The following EPHA6 variants were observed in gnomAD, a reference collection of about 807,000 sequenced individuals.
EPHA6 encodes the protein ephrin type-A receptor 6.
A neutral mutation model predicts 112.0 loss-of-function variants in EPHA6; 50 were observed. The observed-to-expected ratio is 0.45, with a 90% CI of 0.36 to 0.56. The LOEUF (loss-of-function observed/expected upper bound fraction) is 0.56, where lower values mean the gene tolerates loss of function less well. EPHA6 is among the 20% of genes least tolerant of loss of function. The probability of loss-of-function intolerance (pLI) is 0.00; values close to 1 mark genes in which losing one functional copy is unlikely to be tolerated. For missense variants in EPHA6, 1,280 were observed against 1,417.4 expected (o/e 0.90, Z 1.56); for synonymous variants, 529 against 490.7 (o/e 1.08, Z -1.03).
chr3:97,346,036 C>G (rs1394684622), intron 5 of EPHA6, among the ~76,000 whole-genome samples: 1 of 152,078 alleles, frequency 6.6e-6, no homozygotes, highest in Non-Finnish European at 1.5e-5. Context: ...CACCTCCTCT[C>G]ATAAAAATCT....
At position 97,589,880 on chromosome 3, in the gene EPHA6, C is replaced by A. The variant is rs2093527258; in HGVS notation, c.2387-2732C>A. Among the ~76,000 whole-genome samples the A allele has an allele frequency of 2.6e-5, 4 of 152,226 alleles. No individual in the cohort carries two copies. In the South Asian group the frequency reaches 8.3e-4, roughly 32 times the overall value. On this transcript the variant is annotated intron_variant, in intron 11 of 17. Transcript: ENST00000389672. ...ATTTTAGATTTCATTTACTTTTTAG[C>A]TACAATATCATTGAATAATAAATTC...
chr3:97,168,282 T>C lies in EPHA6; in HGVS notation c.1115-57982T>C, dbSNP rs76389327. Among the ~76,000 whole-genome samples the C allele has an allele frequency of 5.8e-4, 88 of 152,292 alleles. 1 individual carries two copies. In the East Asian group the frequency reaches 0.017, roughly 29 times the overall value. On this transcript the variant is annotated intron_variant, in intron 3 of 17. Coordinates refer to ENST00000389672, the MANE Select transcript of EPHA6 (RefSeq NM_001080448.3). ...TCTAACTCTACAGTTATTTATTCTA[T>C]AACACTTTGATATGGTTTGGCTCTG...
intron 3 of EPHA6, among the ~76,000 whole-genome samples, chr3:97,146,442 T>C (rs1031533913): frequency 1.3e-5 from 2 of 151,828 alleles, no homozygotes; most frequent in African/African-American, 4.8e-5. Flanking sequence ...ATCTCTCTCC[T>C]TAACTCTTGT....
At chr3:96,875,527 G>A (rs2036894145) in intron 2 of EPHA6, among the ~76,000 whole-genome samples, 1 of 152,068 alleles carries the variant, frequency 6.6e-6, no homozygotes, top group Non-Finnish European at 1.5e-5. Flanking sequence ...TGGTGAGGAA[G>A]AAAAGTAACA....
intron 11 of EPHA6, among the ~76,000 whole-genome samples, chr3:97,569,502 C>T (rs1361364068): frequency 1.3e-5 from 2 of 152,046 alleles, no homozygotes; most frequent in East Asian, 3.9e-4. Flanking sequence ...ATTTAGGTGA[C>T]TTTGGGAAAT....
intron 3 of EPHA6, among the ~76,000 whole-genome samples, chr3:97,151,314 A>G (rs1184085070): frequency 6.6e-6 from 1 of 152,138 alleles, no homozygotes; most frequent in Non-Finnish European, 1.5e-5. Flanking sequence ...ATACTCACAT[A>G]TATTGTAATC....
At chr3:97,735,853 T>TTTCTTTAC (rs2035230104) in intron 15 of EPHA6, 72 bp from the exon 16 acceptor site, 10 of 1,216,276 alleles carry the variant, frequency 8.2e-6, no homozygotes, top group Non-Finnish European at 7.7e-6. Context: ...CTTCTGCTTG[T>TTTCTTTAC]AAAAAAAGAA....
chr3:97,364,942 A>G (rs1363321996), intron 5 of EPHA6, among the ~76,000 whole-genome samples: 1 of 152,184 alleles, frequency 6.6e-6, no homozygotes, highest in East Asian at 1.9e-4. Flanking sequence ...AGGTTGATTT[A>G]GGCTTTAAAC....
At chr3:96,948,197 A>T (rs1266052199) in intron 2 of EPHA6, among the ~76,000 whole-genome samples, 1 of 152,160 alleles carries the variant, frequency 6.6e-6, no homozygotes, top group Non-Finnish European at 1.5e-5. Flanking sequence ...CTTAAAATGG[A>T]TATAGTCATC....
intron 11 of EPHA6, among the ~76,000 whole-genome samples, chr3:97,535,751 T>C (rs980433328): frequency 6.6e-6 from 1 of 152,126 alleles, no homozygotes; most frequent in Non-Finnish European, 1.5e-5. Context: ...TATCCTGGGA[T>C]TCTGAGAAAT....
intron 3 of EPHA6, among the ~76,000 whole-genome samples, chr3:97,199,268 A>C (rs1158538007): frequency 1.3e-5 from 2 of 152,078 alleles, no homozygotes; most frequent in African/African-American, 2.4e-5. Flanking sequence ...TGGGGAAGGA[A>C]ATGAGGTTAG....
At chr3:97,618,534 A>G (rs1458572424) in intron 13 of EPHA6, among the ~76,000 whole-genome samples, 2 of 152,116 alleles carry the variant, frequency 1.3e-5, no homozygotes, top group Non-Finnish European at 2.9e-5. Flanking sequence ...TAGACTAATA[A>G]AGAAGAAAAG....
At chr3:96,956,298 A>C (rs1158319420) in intron 2 of EPHA6, among the ~76,000 whole-genome samples, 1 of 152,214 alleles carries the variant, frequency 6.6e-6, no homozygotes, top group Non-Finnish European at 1.5e-5. Flanking sequence ...TACATAGGTC[A>C]TATTAACTAA....
rs1210732151 is a variant in EPHA6 at position 97,084,159 on chromosome 3, C to A, written c.1114+96166C>A. 2.8e-5 allele frequency among the ~76,000 whole-genome samples: 4 copies of A among 143,412 alleles called. No individual in the cohort carries two copies. The South Asian group carries it at 6.9e-4, about 25-fold the overall frequency. The allele number at this position is 143,412 out of a possible 152,430, so 94.1% of individuals were successfully genotyped here. A position where few individuals can be genotyped will look rare whatever the true frequency, so the allele number is the denominator to read the frequency against. On this transcript the variant is annotated intron_variant, in intron 3 of 17. Coordinates refer to ENST00000389672, the MANE Select transcript of EPHA6 (RefSeq NM_001080448.3). ...CCATGCACACACACACACACACACA[C>A]AATATCCCCATGGAAGCACTTTTAT...
intron 5 of EPHA6, among the ~76,000 whole-genome samples, chr3:97,349,946 A>G (rs1243955757): frequency 1.3e-5 from 2 of 151,688 alleles, no homozygotes; most frequent in East Asian, 3.9e-4. Flanking sequence ...GTCTAAACTA[A>G]TCATGCTAAT....
At chr3:97,640,503 C>A (rs199861388) in intron 14 of EPHA6, among the ~76,000 whole-genome samples, 11 of 152,102 alleles carry the variant, frequency 7.2e-5, no homozygotes, top group African/African-American at 2.7e-4. Flanking sequence ...CGGTGGCTCG[C>A]GCCTGTTATC....
intron 10 of EPHA6, among the ~76,000 whole-genome samples, chr3:97,512,210 A>T (rs1033915192): frequency 1.3e-5 from 2 of 152,194 alleles, no homozygotes; most frequent in African/African-American, 2.4e-5. Context: ...AATAAATAAG[A>T]TCACATTAAA....
intron 5 of EPHA6, among the ~76,000 whole-genome samples, chr3:97,251,455 A>G (rs930555956): frequency 6.6e-6 from 1 of 151,980 alleles, no homozygotes; most frequent in African/African-American, 2.4e-5. Flanking sequence ...GCCTGAACCC[A>G]GGAGGCGGAG....
intron 3 of EPHA6, among the ~76,000 whole-genome samples, chr3:97,212,582 T>C (rs1444008558): frequency 6.6e-6 from 1 of 152,180 alleles, no homozygotes; most frequent in East Asian, 1.9e-4. Context: ...TAACTTTGCT[T>C]GTCACTACCC....
Sources: allele counts gnomAD v4.1 joint callset (sites outside exome capture counted in the v4.1 genomes callset), GRCh38; gene constraint gnomAD v4.1.1; transcripts MANE v1.5; gene names NCBI Gene and HGNC (gene_info 2026-07-23, HGNC 2026-07-21).